SCAI: variants seen among roughly 807,000 people sequenced by gnomAD.
The protein encoded by SCAI is protein SCAI.
In SCAI, 24 loss-of-function variants were observed where a neutral mutation model predicts 92.2. That is an observed-to-expected ratio of 0.26 (90% CI 0.19 to 0.37). SCAI has a LOEUF of 0.37. Ranked by LOEUF, SCAI falls within the 10% of genes least tolerant of loss-of-function variation. SCAI has a pLI of 1.00. For synonymous variants in SCAI, 261 were observed against 258.6 expected, an observed-to-expected ratio of 1.01 and a Z score of -0.09; for missense variants, 450 against 736.2, an observed-to-expected ratio of 0.61 and a Z score of 4.50.
intron 2 of SCAI, among the ~76,000 whole-genome samples, chr9:125,088,296 G>A (rs933787769): frequency 2.0e-5 from 3 of 152,102 alleles, no homozygotes; most frequent in Admixed American, 6.5e-5. Flanking sequence ...ATCTCATGTC[G>A]AATTGTAATC....
At chr9:125,115,370 CA>C (rs58814200) in intron 2 of SCAI, among the ~76,000 whole-genome samples, 744 of 52,388 alleles carry the variant, frequency 0.014, 3 homozygotes, top group African/African-American at 0.052. Flanking sequence ...AGACTCTCCT[CA>C]AAAAAAAAAA....
intron 9 of SCAI, among the ~76,000 whole-genome samples, chr9:125,006,390 GA>G (rs1832507518): frequency 6.6e-6 from 1 of 151,878 alleles, no homozygotes; most frequent in Non-Finnish European, 1.5e-5. Context: ...TCTCTTAAAA[GA>G]AAAAAAGTTA....
At chr9:125,049,483 T>C (rs1189749295) in intron 3 of SCAI, among the ~76,000 whole-genome samples, 4 of 152,258 alleles carry the variant, frequency 2.6e-5, no homozygotes, top group African/African-American at 9.6e-5. Context: ...TTTTCTAACA[T>C]TATTCTCACT....
intron 3 of SCAI, among the ~76,000 whole-genome samples, chr9:125,043,120 G>C (rs1833360988): frequency 1.3e-5 from 2 of 151,852 alleles, no homozygotes; most frequent in Admixed American, 1.3e-4. Flanking sequence ...CACCTGCCCT[G>C]GCTTCCCAAA....
intron 2 of SCAI, among the ~76,000 whole-genome samples, chr9:125,123,380 T>C (rs1564423082): frequency 6.6e-6 from 1 of 151,526 alleles, no homozygotes; most frequent in Non-Finnish European, 1.5e-5. Context: ...AAAAGGCTTA[T>C]GTCAACAATT....
intron 2 of SCAI, among the ~76,000 whole-genome samples, chr9:125,070,615 T>C (rs1435534442): frequency 6.6e-6 from 1 of 152,016 alleles, no homozygotes; most frequent in African/African-American, 2.4e-5. Context: ...GCCAGGCTGG[T>C]CTAGCACTCC....
intron 2 of SCAI, among the ~76,000 whole-genome samples, chr9:125,120,465 G>C (rs1303886876): frequency 6.6e-6 from 1 of 152,140 alleles, no homozygotes; most frequent in Non-Finnish European, 1.5e-5. Context: ...GGCCAAGGTG[G>C]GTGAATCACC....
intron 2 of SCAI, among the ~76,000 whole-genome samples, chr9:125,107,360 G>A (rs908048491): frequency 6.7e-6 from 1 of 149,208 alleles, no homozygotes; most frequent in Non-Finnish European, 1.5e-5. Flanking sequence ...AGTGAGCCGA[G>A]ATCGCCCCGC....
At chr9:125,033,636 A>G (rs1317621419) in intron 3 of SCAI, among the ~76,000 whole-genome samples, 3 of 152,160 alleles carry the variant, frequency 2.0e-5, no homozygotes, top group African/African-American at 7.2e-5. Flanking sequence ...GGGGATAATG[A>G]ATGTTCTAAA....
At position 125,011,385 on chromosome 9, in the gene SCAI, T is replaced by TG. The variant is rs1832635947; in HGVS notation, c.861+7413dup. Among the ~76,000 whole-genome samples, 3 of 152,080 alleles carry TG rather than the reference T, an allele frequency of 2.0e-5. No individual in the cohort carries two copies. The South Asian group carries it at 6.2e-4, about 32-fold the overall frequency. On this transcript the variant is annotated intron_variant, in intron 9 of 17. Coordinates refer to ENST00000336505, the MANE Select transcript of SCAI (RefSeq NM_001144877.3). ...CAAGGCTCAAGAACTACGTGAAGAA[T>TG]GCAGAAGCCTCAGGAGCCAATGCGA... is the stretch of plus-strand genomic sequence containing the variant.
At chr9:124,982,893 T>C (rs1425161510) in intron 14 of SCAI, among the ~76,000 whole-genome samples, 1 of 151,996 alleles carries the variant, frequency 6.6e-6, no homozygotes, top group Non-Finnish European at 1.5e-5. Context: ...GTGTGGTGGC[T>C]CATAATCCCA....
intron 15 of SCAI, chr9:124,974,241 T>C (rs1431098187): frequency 4.5e-6 from 2 of 447,632 alleles, no homozygotes; most frequent in Non-Finnish European, 8.9e-6. Flanking sequence ...CCCAGGAGTT[T>C]GAGACCAGCC....
At chr9:125,135,390 G>A (rs760028561) in intron 2 of SCAI, among the ~76,000 whole-genome samples, 3 of 152,192 alleles carry the variant, frequency 2.0e-5, no homozygotes, top group Non-Finnish European at 4.4e-5. Context: ...GATGGCTCAC[G>A]CCTGTAATCC....
chr9:125,084,731 G>A (rs1032709097), intron 2 of SCAI, among the ~76,000 whole-genome samples: 1 of 152,120 alleles, frequency 6.6e-6, no homozygotes, highest in Admixed American at 6.6e-5. Context: ...GTGCTAATGG[G>A]CCTGTCAACT....
intron 14 of SCAI, among the ~76,000 whole-genome samples, chr9:124,989,319 C>A (rs1228885778): frequency 1.3e-5 from 2 of 152,116 alleles, no homozygotes; most frequent in Non-Finnish European, 2.9e-5. Flanking sequence ...GTGGCTCAGG[C>A]TGAGCATGGT....
intron 2 of SCAI, among the ~76,000 whole-genome samples, chr9:125,095,848 C>T (rs1834540441): frequency 6.6e-6 from 1 of 152,104 alleles, no homozygotes; most frequent in African/African-American, 2.4e-5. Flanking sequence ...TAGAAGGAGC[C>T]TGGATCTCTG....
chr9:125,003,302 G>A, intron 10 of SCAI, 87 bp from the exon 11 acceptor site: 3 of 1,141,622 alleles, frequency 2.6e-6, no homozygotes. Context: ...CCCTTATCAA[G>A]GAAGTCTTAT....
chr9:125,041,613 A>G (rs1833319589), intron 3 of SCAI, among the ~76,000 whole-genome samples: 3 of 152,194 alleles, frequency 2.0e-5, no homozygotes. Flanking sequence ...TCAAGTAAAA[A>G]GGGTTATAAA....
chr9:125,033,531 C>T (rs1264244020), intron 3 of SCAI, among the ~76,000 whole-genome samples: 1 of 152,130 alleles, frequency 6.6e-6, no homozygotes, highest in Non-Finnish European at 1.5e-5. Flanking sequence ...TTATACAGTT[C>T]AAGAGCATAA....
Sources: gnomAD v4.1 joint callset for allele counts (sites outside exome capture counted in the v4.1 genomes callset) on GRCh38, gnomAD v4.1.1 for gene constraint, MANE v1.5 for transcripts, NCBI Gene and HGNC (gene_info 2026-07-23, HGNC 2026-07-21) for gene names.